PAFAH1B1: variants seen among roughly 807,000 people sequenced by gnomAD.
PAFAH1B1 encodes the protein platelet activating factor acetylhydrolase 1b regulatory subunit 1.
In PAFAH1B1, 2 loss-of-function variants were observed where a neutral mutation model predicts 57.5. The ratio of observed to expected loss-of-function variants is 0.03; its 90% confidence interval spans 0.01 to 0.11. PAFAH1B1 has a LOEUF of 0.11. Ranked by LOEUF, PAFAH1B1 falls within the 10% of genes least tolerant of loss-of-function variation. The probability of loss-of-function intolerance (pLI) is 1.00; values close to 1 mark genes in which losing one functional copy is unlikely to be tolerated. For synonymous variants in PAFAH1B1, 152 were observed against 169.6 expected (o/e 0.90, Z 0.81); for missense variants, 257 against 512.0 (o/e 0.50, Z 4.81).
chr17:2,621,605 GTCTTTTTTTTTTTTTT>G lies in PAFAH1B1; in HGVS notation c.-190-16492_-190-16477del, dbSNP rs1320460425. 8.8e-4 allele frequency among the ~76,000 whole-genome samples: 82 copies of G among 93,240 alleles called. 3 individuals carry two copies. The highest frequency in any genetic ancestry group is 3.5e-3 in the African/African-American group (74 of 21,344). The allele number at this position is 93,240 out of a possible 152,430, so 61.2% of individuals were successfully genotyped here. A position where few individuals can be genotyped will look rare whatever the true frequency, so the allele number is the denominator to read the frequency against. On this transcript the variant is annotated intron_variant, in intron 1 of 10. Coordinates refer to ENST00000397195, the MANE Select transcript of PAFAH1B1 (RefSeq NM_000430.4). The stretch of plus-strand genomic sequence containing the variant: ...GCTATTCAAGCATGGTAGATAATCT[GTCTTTTTTTTTTTTTT>G]TTTTTTTTTTTTTTTTTTTTTTGAG...
chr17:2,602,559 A>G (rs960470650), intron 1 of PAFAH1B1, among the ~76,000 whole-genome samples: 2 of 152,068 alleles, frequency 1.3e-5, no homozygotes, highest in Non-Finnish European at 2.9e-5. Context: ...CATTACTACT[A>G]CTACCATCAT....
intron 2 of PAFAH1B1, among the ~76,000 whole-genome samples, chr17:2,651,724 A>C (rs142901336): frequency 1.2e-4 from 18 of 152,184 alleles, no homozygotes; most frequent in African/African-American, 4.1e-4. Flanking sequence ...TTGATTTGGG[A>C]ATGGAGTGAG....
chr17:2,608,416 A>G (rs1476615644), intron 1 of PAFAH1B1, among the ~76,000 whole-genome samples: 6 of 152,208 alleles, frequency 3.9e-5, no homozygotes, highest in Admixed American at 2.6e-4. Context: ...TTTAGACTAC[A>G]GAAATGGGCA....
chr17:2,627,999 G>A (rs2068513017), intron 1 of PAFAH1B1, among the ~76,000 whole-genome samples: 1 of 152,120 alleles, frequency 6.6e-6, no homozygotes, highest in Non-Finnish European at 1.5e-5. Context: ...GGGTTTTCAA[G>A]GTAAACGATC....
intron 2 of PAFAH1B1, among the ~76,000 whole-genome samples, chr17:2,645,104 G>T (rs552405396): frequency 6.6e-6 from 1 of 151,992 alleles, no homozygotes. Flanking sequence ...AAAATTAGCC[G>T]GTTGTGGTGG....
chr17:2,616,203 G>C (rs1268691578), intron 1 of PAFAH1B1, among the ~76,000 whole-genome samples: 1 of 152,152 alleles, frequency 6.6e-6, no homozygotes, highest in Non-Finnish European at 1.5e-5. Context: ...AGTATGAAGA[G>C]TGAAGAATAT....
intron 2 of PAFAH1B1, chr17:2,638,597 TC>T: frequency 2.8e-6 from 1 of 355,582 alleles, no homozygotes. Context: ...AACCTCCGCC[TC>T]CCAGGTTCAA....
intron 1 of PAFAH1B1, among the ~76,000 whole-genome samples, chr17:2,600,706 G>C (rs1027751449): frequency 7.2e-5 from 11 of 151,820 alleles, no homozygotes; most frequent in African/African-American, 2.7e-4. Context: ...AAATGAGTCA[G>C]ATGTTTTGAT....
chr17:2,665,154 TATAACTA>T (rs2069089065), intron 2 of PAFAH1B1, among the ~76,000 whole-genome samples: 1 of 152,138 alleles, frequency 6.6e-6, no homozygotes, highest in African/African-American at 2.4e-5. Flanking sequence ...AAGAAAAACT[TATAACTA>T]AGAATATAAT....
intron 9 of PAFAH1B1, 129 bp from the exon 10 acceptor site, chr17:2,680,035 A>G (rs2069354654): frequency 2.3e-6 from 2 of 853,780 alleles, no homozygotes; most frequent in Admixed American, 4.1e-5. Context: ...TTAATCTAGA[A>G]TCCCCTAGAC....
Position 2,660,928 on chromosome 17 carries a change from T to C in PAFAH1B1, c.33-4444T>C, listed in dbSNP as rs182374280. ...GCCAGCATCTTTCGTTTCTTGACTT[T>C]ATAATAATCGCCATTCTGACTGGTG... On this transcript the variant is annotated intron_variant, in intron 2 of 10. Transcript: ENST00000397195. 5.4e-3 allele frequency among the ~76,000 whole-genome samples: 828 copies of C among 152,312 alleles called. 6 individuals carry two copies. Among genetic ancestry groups the C allele is most frequent in the South Asian group, 0.016 (79 of 4,824 alleles).
At chr17:2,656,660 A>G (rs1483325425) in intron 2 of PAFAH1B1, among the ~76,000 whole-genome samples, 4 of 152,208 alleles carry the variant, frequency 2.6e-5, no homozygotes, top group Non-Finnish European at 5.9e-5. Context: ...ATTTAATCAG[A>G]TAATTCTGGG....
intron 2 of PAFAH1B1, among the ~76,000 whole-genome samples, chr17:2,648,730 T>C (rs1597551200): frequency 7.0e-6 from 1 of 143,012 alleles, no homozygotes; most frequent in East Asian, 2.0e-4. Flanking sequence ...ATATAGAAAA[T>C]GGTGTATTTT....
At chr17:2,665,484 T>C in intron 3 of PAFAH1B1, 28 bp downstream of exon 3, 1 of 1,264,534 alleles carries the variant, frequency 7.9e-7, no homozygotes. Flanking sequence ...CAATTCAAAG[T>C]ATAGTTAATG....
intron 6 of PAFAH1B1, among the ~76,000 whole-genome samples, chr17:2,671,290 C>G (rs142177582): frequency 1.5e-4 from 23 of 151,970 alleles, no homozygotes; most frequent in African/African-American, 5.5e-4. Flanking sequence ...CTCACTGCAA[C>G]CTCCGCCTCC....
intron 1 of PAFAH1B1, among the ~76,000 whole-genome samples, chr17:2,594,918 G>A (rs796872969): frequency 4.3e-4 from 65 of 152,328 alleles, no homozygotes; most frequent in African/African-American, 1.5e-3. Context: ...AAACGTAGCA[G>A]TAGAGGGGAA....
At chr17:2,655,753 T>A (rs2068928087) in intron 2 of PAFAH1B1, among the ~76,000 whole-genome samples, 1 of 151,982 alleles carries the variant, frequency 6.6e-6, no homozygotes, top group Non-Finnish European at 1.5e-5. Flanking sequence ...TCCAGCCTTG[T>A]TACAATGTCG....
chr17:2,602,208 T>C (rs1380776092), intron 1 of PAFAH1B1, among the ~76,000 whole-genome samples: 3 of 151,946 alleles, frequency 2.0e-5, no homozygotes, highest in African/African-American at 7.3e-5. Flanking sequence ...ATAAGTGTTC[T>C]GTATAATGGT....
At chr17:2,641,996 A>G (rs2068701567) in intron 2 of PAFAH1B1, 1 of 152,202 alleles carries the variant, frequency 6.6e-6, no homozygotes. Flanking sequence ...ACTAGATGCT[A>G]CAAAGAAAAT....
Sources: gnomAD v4.1 joint callset for allele counts (sites outside exome capture counted in the v4.1 genomes callset) on GRCh38, gnomAD v4.1.1 for gene constraint, MANE v1.5 for transcripts, NCBI Gene and HGNC (gene_info 2026-07-23, HGNC 2026-07-21) for gene names.